The following RAP1GAP2 variants were observed in gnomAD, a reference collection of about 807,000 sequenced individuals.
RAP1GAP2 encodes the protein RAP1 GTPase activating protein 2.
RAP1GAP2 carries 27 observed loss-of-function variants against 95.0 expected under a neutral mutation model. That is an observed-to-expected ratio of 0.28 (90% CI 0.21 to 0.39). RAP1GAP2 has a LOEUF of 0.39. Ranked by LOEUF, RAP1GAP2 falls within the 10% of genes least tolerant of loss-of-function variation. The pLI, the probability that RAP1GAP2 is intolerant of heterozygous loss-of-function variation, is 1.00. For synonymous variants in RAP1GAP2, 373 were observed against 380.9 expected (o/e 0.98, Z 0.24); for missense variants, 771 against 970.0 (o/e 0.79, Z 2.72).
At chr17:3,022,832 T>G (rs1471024977) in intron 19 of RAP1GAP2, among the ~76,000 whole-genome samples, 1 of 152,244 alleles carries the variant, frequency 6.6e-6, no homozygotes, top group African/African-American at 2.4e-5. Context: ...CCTAAAGCAT[T>G]TCCCCAATGT....
chr17:2,759,699 C>T (rs1450225865), intron 1 of RAP1GAP2, among the ~76,000 whole-genome samples: 1 of 152,058 alleles, frequency 6.6e-6, no homozygotes, highest in Non-Finnish European at 1.5e-5. Context: ...GATCTGCCCG[C>T]TTTGGCCTCC....
At chr17:2,888,018 C>G (rs1331071347) in intron 2 of RAP1GAP2, among the ~76,000 whole-genome samples, 5 of 152,112 alleles carry the variant, frequency 3.3e-5, no homozygotes, top group African/African-American at 9.7e-5. Flanking sequence ...AAGCCCGAGG[C>G]CAGGAGCAGA....
At chr17:3,019,535 A>G (rs1238616147) in intron 18 of RAP1GAP2, among the ~76,000 whole-genome samples, 2 of 152,182 alleles carry the variant, frequency 1.3e-5, no homozygotes, top group East Asian at 1.9e-4. Context: ...AACTAAAGCA[A>G]AGTGGCTTTG....
intron 2 of RAP1GAP2, among the ~76,000 whole-genome samples, chr17:2,888,658 T>C (rs1380077627): frequency 8.2e-5 from 12 of 145,662 alleles, no homozygotes; most frequent in Admixed American, 2.7e-4. Context: ...TTTTCTTTTT[T>C]TTTTTTTTTT....
intron 3 of RAP1GAP2, among the ~76,000 whole-genome samples, chr17:2,908,915 A>G (rs1448779154): frequency 6.6e-6 from 1 of 151,942 alleles, no homozygotes; most frequent in Non-Finnish European, 1.5e-5. Context: ...TGTGTTGCCC[A>G]GGCTGGTCTG....
intron 2 of RAP1GAP2, among the ~76,000 whole-genome samples, chr17:2,858,506 C>A (rs1337551133): frequency 1.3e-5 from 2 of 152,190 alleles, no homozygotes; most frequent in Non-Finnish European, 2.9e-5. Flanking sequence ...CGGCCCCAAT[C>A]TTGTTTCATT....
chr17:2,970,294 A>AAATAATAAT (rs1555582399), intron 8 of RAP1GAP2, among the ~76,000 whole-genome samples: 12 of 116,058 alleles, frequency 1.0e-4, no homozygotes, highest in African/African-American at 3.6e-4. Context: ...AAAAAAAAAA[A>AAATAATAAT]AATAATAATA....
chr17:2,945,022 C>T (rs1026812756), intron 3 of RAP1GAP2, among the ~76,000 whole-genome samples: 1 of 152,102 alleles, frequency 6.6e-6, no homozygotes, highest in Non-Finnish European at 1.5e-5. Flanking sequence ...TACAGGCGCC[C>T]GCCACCACGC....
rs1393898894 is a variant in RAP1GAP2, at chr17:3,005,076, G to A, written c.1201-293G>A. On this transcript the variant is annotated intron_variant, in intron 14 of 24. Transcript: ENST00000254695. The surrounding 1 kb of genome is among the most constrained non-coding windows in gnomAD (Gnocchi z 5.2). ...ATGAGGTCACGAGATGCCATCTCCC[G>A]GGCACTTGTATGGCATTAAAATTAG... Among the ~76,000 whole-genome samples the A allele has an allele frequency of 2.0e-5, 3 of 152,050 alleles. No individual in the cohort carries two copies. Among genetic ancestry groups the A allele is most frequent in the African/African-American group, 4.8e-5 (2 of 41,384 alleles).
chr17:2,978,605 A>G (rs1036316649), intron 8 of RAP1GAP2, among the ~76,000 whole-genome samples: 1 of 152,174 alleles, frequency 6.6e-6, no homozygotes, highest in South Asian at 2.1e-4. Context: ...AACTGGGGAA[A>G]GCAAAACCGT....
chr17:3,026,569 C>T lies in RAP1GAP2; in HGVS notation c.1980+105C>T, dbSNP rs902582060. 1.5e-5 allele frequency: 15 copies of T among 1,005,930 alleles called. No homozygotes were observed. In the South Asian group the frequency reaches 1.5e-4, roughly 10 times the overall value. The allele number at this position is 1,005,930 out of a possible 1,614,324, so 62.3% of individuals were successfully genotyped here. A position where few individuals can be genotyped will look rare whatever the true frequency, so the allele number is the denominator to read the frequency against. On this transcript the variant is annotated intron_variant, in intron 21 of 24. Coordinates refer to ENST00000254695, the MANE Select transcript of RAP1GAP2 (RefSeq NM_015085.5). ...GGATCGAAGCCCATGTCAGTCTTTG[C>T]AGAGGAAAGGGGAAGAATGGAAACG... is the stretch of plus-strand genomic sequence containing the variant.
intron 2 of RAP1GAP2, among the ~76,000 whole-genome samples, chr17:2,844,348 G>A (rs2071492908): frequency 1.3e-5 from 2 of 152,144 alleles, no homozygotes; most frequent in African/African-American, 4.8e-5. Flanking sequence ...AGCTGCTTTG[G>A]GACTTGGAGG....
rs1026396595 is a variant in RAP1GAP2, at chr17:3,004,620, T to G, written c.1201-749T>G. Among the ~76,000 whole-genome samples the G allele has an allele frequency of 6.6e-6, 1 of 152,234 alleles. No individual in the cohort carries two copies. The highest frequency in any genetic ancestry group is 2.4e-5 in the African/African-American group (1 of 41,462). On this transcript the variant is annotated intron_variant, in intron 14 of 24. Transcript: ENST00000254695. The surrounding 1 kb of genome is among the most constrained non-coding windows in gnomAD (Gnocchi z 4.1). ...ATGCAGCGAACCTCGAGGCCGTCAC[T>G]CTAAAGCTCAGTCTCACTCAGGGTG...
intron 2 of RAP1GAP2, among the ~76,000 whole-genome samples, chr17:2,850,051 A>G (rs1388301531): frequency 7.9e-6 from 1 of 126,644 alleles, no homozygotes; most frequent in East Asian, 2.5e-4. Context: ...CCCAGGCTGG[A>G]GTGCAGTGGT....
chr17:2,947,666 G>A lies in RAP1GAP2; in HGVS notation c.166-10093G>A, dbSNP rs188385384. The stretch of plus-strand genomic sequence containing the variant: ...CTGTTCTGCAGCCAGCCTGGTGGCC[G>A]GCTGGTTCTCATCCTGCTTGCCCTG... On this transcript the variant is annotated intron_variant, in intron 3 of 24. Coordinates refer to ENST00000254695, the MANE Select transcript of RAP1GAP2 (RefSeq NM_015085.5). Among the ~76,000 whole-genome samples, 406 of 152,156 alleles carry A rather than the reference G, an allele frequency of 2.7e-3. 1 individual carries two copies. Among genetic ancestry groups the A allele is most frequent in the Admixed American group, 4.8e-3 (74 of 15,280 alleles).
intron 2 of RAP1GAP2, among the ~76,000 whole-genome samples, chr17:2,849,215 C>T (rs1170158581): frequency 1.3e-5 from 2 of 152,154 alleles, no homozygotes; most frequent in South Asian, 2.1e-4. Context: ...AGGGGCAAGG[C>T]GTTTGAAGAC....
chr17:2,765,431 A>G (rs2068255026), intron 1 of RAP1GAP2, among the ~76,000 whole-genome samples: 1 of 152,058 alleles, frequency 6.6e-6, no homozygotes, highest in Admixed American at 6.6e-5. Context: ...CCTGGGCAAC[A>G]TATTGAGACC....
intron 3 of RAP1GAP2, among the ~76,000 whole-genome samples, chr17:2,931,915 A>G (rs73976726): frequency 0.017 from 2,524 of 152,228 alleles, 72 homozygotes; most frequent in African/African-American, 0.057. Context: ...GGCACATCAG[A>G]AGCACAAGCC....
chr17:2,939,914 G>C (rs1162807439), intron 3 of RAP1GAP2, among the ~76,000 whole-genome samples: 3 of 152,262 alleles, frequency 2.0e-5, no homozygotes, highest in Non-Finnish European at 2.9e-5. Flanking sequence ...GCTTCGGGCG[G>C]ACACCCGAGT....
Sources: allele counts gnomAD v4.1 joint callset (sites outside exome capture counted in the v4.1 genomes callset), GRCh38; gene constraint gnomAD v4.1.1; non-coding constraint Gnocchi (gnomAD v3.1); transcripts MANE v1.5; gene names NCBI Gene and HGNC (gene_info 2026-07-23, HGNC 2026-07-21).